The following FER variants were observed in gnomAD, a reference collection of about 807,000 sequenced individuals.
The protein encoded by FER is FER tyrosine kinase.
A neutral mutation model predicts 111.0 loss-of-function variants in FER; 63 were observed. The ratio of observed to expected loss-of-function variants is 0.57; its 90% CI spans 0.46 to 0.70. FER has a LOEUF of 0.70. Ranked by LOEUF, FER falls within the 30% of genes least tolerant of loss-of-function variation. The probability of loss-of-function intolerance (pLI) is 0.00; values close to 1 mark genes in which losing one functional copy is unlikely to be tolerated. For missense variants in FER, 914 were observed against 954.0 expected (o/e 0.96, Z 0.55); for synonymous variants, 327 against 313.9 (o/e 1.04, Z -0.44).
chr5:108,890,892 A>G (rs772304725), intron 9 of FER, among the ~76,000 whole-genome samples: 8 of 152,088 alleles, frequency 5.3e-5, no homozygotes, highest in South Asian at 2.1e-4. Context: ...ATAAGTTACA[A>G]TTTTTCTGGA....
chr5:109,031,882 A>G (rs1399642109), intron 13 of FER, among the ~76,000 whole-genome samples: 1 of 152,150 alleles, frequency 6.6e-6, no homozygotes, highest in Non-Finnish European at 1.5e-5. Context: ...TTGAAATGAC[A>G]TTTTGAACAG....
intron 11 of FER, among the ~76,000 whole-genome samples, chr5:108,952,012 C>T (rs1038030194): frequency 1.3e-5 from 2 of 152,072 alleles, no homozygotes; most frequent in Non-Finnish European, 2.9e-5. Context: ...CTAATTCCAG[C>T]ATATTTTTGC....
At chr5:108,776,581 C>T (rs1753519614) in intron 2 of FER, among the ~76,000 whole-genome samples, 2 of 152,120 alleles carry the variant, frequency 1.3e-5, no homozygotes, top group African/African-American at 4.8e-5. Flanking sequence ...CTGTGGGAAT[C>T]CGATTATCCT....
chr5:109,038,403 C>A (rs1333954359), intron 14 of FER, among the ~76,000 whole-genome samples: 1 of 151,894 alleles, frequency 6.6e-6, no homozygotes, highest in Non-Finnish European at 1.5e-5. Context: ...TTACTCATTA[C>A]TTTTTTGATT....
At chr5:108,951,038 G>A (rs528461332) in intron 11 of FER, among the ~76,000 whole-genome samples, 43 of 151,968 alleles carry the variant, frequency 2.8e-4, no homozygotes, top group African/African-American at 1.0e-3. Context: ...TGGGAGGCTC[G>A]GGCAGGCGGA....
chr5:109,095,779 G>A (rs1747435683), intron 16 of FER, among the ~76,000 whole-genome samples: 1 of 151,952 alleles, frequency 6.6e-6, no homozygotes, highest in Non-Finnish European at 1.5e-5. Flanking sequence ...TGACATAAAT[G>A]GACCCCCAAA....
At chr5:108,923,645 T>C (rs1472091292) in intron 10 of FER, among the ~76,000 whole-genome samples, 2 of 152,200 alleles carry the variant, frequency 1.3e-5, no homozygotes, top group South Asian at 2.1e-4. Context: ...TAGAATAGGT[T>C]ATCAAAAGTG....
intron 16 of FER, among the ~76,000 whole-genome samples, chr5:109,056,908 T>C (rs149524481): frequency 1.3e-5 from 2 of 152,330 alleles, no homozygotes; most frequent in Non-Finnish European, 2.9e-5. Context: ...TCAGATTCTT[T>C]TAGAAGTCCT....
At chr5:108,861,882 A>G (rs1763557634) in intron 5 of FER, among the ~76,000 whole-genome samples, 1 of 152,194 alleles carries the variant, frequency 6.6e-6, no homozygotes, top group Non-Finnish European at 1.5e-5. Flanking sequence ...ATTTATTTTA[A>G]AACAAATCAG....
intron 17 of FER, among the ~76,000 whole-genome samples, chr5:109,166,058 G>A (rs1034709342): frequency 2.0e-5 from 3 of 151,994 alleles, no homozygotes; most frequent in Admixed American, 2.0e-4. Context: ...CTCAGGAGCT[G>A]GTTTCTGCTT....
intron 13 of FER, among the ~76,000 whole-genome samples, chr5:108,970,900 T>C (rs1760557171): frequency 6.6e-6 from 1 of 152,064 alleles, no homozygotes; most frequent in Non-Finnish European, 1.5e-5. Context: ...AATACCAGAA[T>C]TGTGATGGAA....
At chr5:108,938,925 A>G (rs545201689) in intron 10 of FER, among the ~76,000 whole-genome samples, 2 of 152,130 alleles carry the variant, frequency 1.3e-5, no homozygotes, top group Admixed American at 6.6e-5. Context: ...TCTGAGGTGT[A>G]TTTTGCAGAA....
At chr5:108,880,417 AG>A (rs1485369729) in intron 8 of FER, among the ~76,000 whole-genome samples, 1 of 152,194 alleles carries the variant, frequency 6.6e-6, no homozygotes, top group African/African-American at 2.4e-5. Context: ...ATTCTGAGGT[AG>A]GGCTCTGTGT....
At chr5:108,753,871 C>T (rs999940240) in intron 1 of FER, among the ~76,000 whole-genome samples, 13 of 152,150 alleles carry the variant, frequency 8.5e-5, no homozygotes, top group African/African-American at 2.7e-4. Flanking sequence ...GAACTAGAGT[C>T]CATATGGTCT....
intron 13 of FER, among the ~76,000 whole-genome samples, chr5:109,028,364 A>G (rs955317978): frequency 2.6e-5 from 4 of 152,240 alleles, no homozygotes; most frequent in African/African-American, 7.2e-5. Flanking sequence ...AAAATCTGTT[A>G]GGAATAGAAC....
At chr5:109,016,673 T>A (rs1233239738) in intron 13 of FER, among the ~76,000 whole-genome samples, 1 of 152,100 alleles carries the variant, frequency 6.6e-6, no homozygotes, top group Non-Finnish European at 1.5e-5. Context: ...AGCAAAACTT[T>A]GAAATGTGTA....
chr5:108,829,112 A>G (rs1450360464), intron 3 of FER, among the ~76,000 whole-genome samples: 1 of 152,186 alleles, frequency 6.6e-6, no homozygotes, highest in Non-Finnish European at 1.5e-5. Context: ...TTAAGCACCT[A>G]TTAACATTTT....
At chr5:109,032,156 C>T (rs1769717575) in intron 13 of FER, among the ~76,000 whole-genome samples, 1 of 152,064 alleles carries the variant, frequency 6.6e-6, no homozygotes, top group Non-Finnish European at 1.5e-5. Context: ...GTGGGCTATG[C>T]CAGAGAGACT....
At chr5:109,078,311 T>C (rs1776605648) in intron 16 of FER, among the ~76,000 whole-genome samples, 1 of 152,160 alleles carries the variant, frequency 6.6e-6, no homozygotes. Flanking sequence ...AATCAGGTAG[T>C]TTATTAGTTT....
Sources: allele counts gnomAD v4.1 joint callset (sites outside exome capture counted in the v4.1 genomes callset), GRCh38; gene constraint gnomAD v4.1.1; transcripts MANE v1.5; gene names NCBI Gene and HGNC (gene_info 2026-07-23, HGNC 2026-07-21).